The following MICAL2 variants were observed in gnomAD, a reference collection of about 807,000 sequenced individuals.
MICAL2 encodes microtubule associated monooxygenase, calponin and LIM domain containing 2.
MICAL2 carries 77 observed loss-of-function variants against 127.3 expected under a neutral mutation model. The observed-to-expected ratio is 0.60, with a 90% CI of 0.50 to 0.73. MICAL2 has a LOEUF of 0.73. Ranked by LOEUF, MICAL2 falls within the 30% of genes least tolerant of loss-of-function variation. The pLI is 0.00. For missense variants in MICAL2, 1,351 were observed against 1,434.4 expected (o/e 0.94, Z 0.94); for synonymous variants, 570 against 551.1 (o/e 1.03, Z -0.48).
At chr11:12,257,226 G>T (rs545046691) in intron 24 of MICAL2, 6 of 425,848 alleles carry the variant, frequency 1.4e-5, no homozygotes, top group Non-Finnish European at 2.5e-5. Flanking sequence ...TGTGCCCAGG[G>T]CTCTATGTAC....
chr11:12,338,784 C>G (rs1306121817), intron 32 of MICAL2, among the ~76,000 whole-genome samples: 1 of 152,216 alleles, frequency 6.6e-6, no homozygotes, highest in Non-Finnish European at 1.5e-5. Context: ...ATATTGGCCC[C>G]TACTCTCTTC....
intron 1 of MICAL2, chr11:12,276,688 G>A (rs1417661263): frequency 6.6e-6 from 1 of 152,300 alleles, no homozygotes; most frequent in Non-Finnish European, 1.5e-5. Flanking sequence ...TCCAGGACTC[G>A]CCCAGATGCA....
chr11:12,170,966 T>C (rs956143032), intron 3 of MICAL2, among the ~76,000 whole-genome samples: 56 of 152,226 alleles, frequency 3.7e-4, no homozygotes, highest in African/African-American at 1.2e-3. Context: ...GGCTTCTTTC[T>C]GGAGCTTTAC....
intron 29 of MICAL2, among the ~76,000 whole-genome samples, chr11:12,306,344 T>C (rs921476769): frequency 1.3e-5 from 2 of 152,162 alleles, no homozygotes; most frequent in Non-Finnish European, 2.9e-5. Context: ...TCTGGTACAC[T>C]ATATTTCATT....
chr11:12,276,049 G>A, upstream of MICAL2: 1 of 399,286 alleles, frequency 2.5e-6, no homozygotes, highest in Non-Finnish European at 4.4e-6. Flanking sequence ...GATGCGGAAG[G>A]GGACGCTGCC....
At chr11:12,311,099 T>G (rs1590732615) in intron 29 of MICAL2, among the ~76,000 whole-genome samples, 1 of 152,302 alleles carries the variant, frequency 6.6e-6, no homozygotes, top group East Asian at 1.9e-4. Flanking sequence ...TCTTTCAGTT[T>G]TTCTGAATAC....
At chr11:12,328,984 GA>G (rs1352715640) in intron 32 of MICAL2, among the ~76,000 whole-genome samples, 4 of 152,096 alleles carry the variant, frequency 2.6e-5, no homozygotes, top group Admixed American at 2.6e-4. Flanking sequence ...AGATTTCAGG[GA>G]AATGCTAGAG....
chr11:12,338,954 A>T (rs1367440189), intron 32 of MICAL2, among the ~76,000 whole-genome samples: 1 of 152,168 alleles, frequency 6.6e-6, no homozygotes, highest in African/African-American at 2.4e-5. Flanking sequence ...CTTCTCGAGG[A>T]GTATCTTTGC....
intron 3 of MICAL2, among the ~76,000 whole-genome samples, chr11:12,179,968 A>G (rs1857244183): frequency 6.6e-6 from 1 of 152,104 alleles, no homozygotes; most frequent in Non-Finnish European, 1.5e-5. Context: ...AATCAATATT[A>G]TCAGCTCTGT....
At chr11:12,299,705 C>T (rs1864025041) in intron 29 of MICAL2, among the ~76,000 whole-genome samples, 1 of 152,148 alleles carries the variant, frequency 6.6e-6, no homozygotes, top group Non-Finnish European at 1.5e-5. Context: ...GTAACATCCG[C>T]AAATGTTAAG....
At chr11:12,179,110 C>T (rs1304163578) in intron 3 of MICAL2, among the ~76,000 whole-genome samples, 1 of 152,182 alleles carries the variant, frequency 6.6e-6, no homozygotes, top group Non-Finnish European at 1.5e-5. Flanking sequence ...AAATTCAAAA[C>T]TCCCACTGCC....
intron 2 of MICAL2, among the ~76,000 whole-genome samples, chr11:12,286,660 G>A (rs909860116): frequency 6.6e-6 from 1 of 152,058 alleles, no homozygotes; most frequent in Non-Finnish European, 1.5e-5. Context: ...CTTGAGCCCA[G>A]GAGTTTGAGA....
At chr11:12,289,264 G>A (rs1008404684), downstream of MICAL2, among the ~76,000 whole-genome samples, 7 of 152,048 alleles carry the variant, frequency 4.6e-5, no homozygotes, top group African/African-American at 1.7e-4. Context: ...CCAGCTGCAC[G>A]TGTGACTGAG....
chr11:12,349,569 G>A (rs1457517157), intron 32 of MICAL2, among the ~76,000 whole-genome samples: 1 of 152,158 alleles, frequency 6.6e-6, no homozygotes, highest in Non-Finnish European at 1.5e-5. Flanking sequence ...CGTTTGTGGT[G>A]GGATGTTATC....
chr11:12,117,659 T>A (rs1311461303), intron 1 of MICAL2, among the ~76,000 whole-genome samples: 1 of 152,140 alleles, frequency 6.6e-6, no homozygotes, highest in South Asian at 2.1e-4. Flanking sequence ...TGAGCCCTCA[T>A]TGGACAACTG....
At chr11:12,276,887 A>G (rs1484393441) in intron 1 of MICAL2, among the ~76,000 whole-genome samples, 1 of 152,230 alleles carries the variant, frequency 6.6e-6, no homozygotes, top group East Asian at 1.9e-4. Context: ...CGCCAGGTCG[A>G]TAAATAAAAT....
At chr11:12,260,433 T>A (rs891132325) in intron 26 of MICAL2, 78 of 1,209,470 alleles carry the variant, frequency 6.4e-5, no homozygotes, top group African/African-American at 3.3e-4. Flanking sequence ...TCAATTTTTT[T>A]AATTTTAATT....
intron 15 of MICAL2, among the ~76,000 whole-genome samples, chr11:12,228,622 C>A (rs1259619033): frequency 6.6e-6 from 1 of 152,120 alleles, no homozygotes; most frequent in Non-Finnish European, 1.5e-5. Flanking sequence ...AGAGGCAGAG[C>A]AGCCAGGAAA....
intron 32 of MICAL2, among the ~76,000 whole-genome samples, chr11:12,347,727 A>T (rs565821271): frequency 3.5e-4 from 53 of 152,344 alleles, no homozygotes; most frequent in Non-Finnish European, 6.5e-4. Context: ...ATAATCTAGA[A>T]ATTATATAAC....
Sources: allele counts gnomAD v4.1 joint callset (sites outside exome capture counted in the v4.1 genomes callset), GRCh38; gene constraint gnomAD v4.1.1; transcripts MANE v1.5; gene names NCBI Gene and HGNC (gene_info 2026-07-23, HGNC 2026-07-21).